Variants in SH3GL2 observed in about 807,000 individuals in gnomAD.
The protein encoded by SH3GL2 is endophilin-A1.
SH3GL2 carries 24 observed loss-of-function variants against 46.0 expected under a neutral mutation model. The observed-to-expected ratio is 0.52, with a 90% CI of 0.38 to 0.73. SH3GL2 has a LOEUF of 0.73. Ranked by LOEUF, SH3GL2 falls within the 30% of genes least tolerant of loss-of-function variation. SH3GL2 has a pLI of 0.00. For missense variants in SH3GL2, 413 were observed against 424.2 expected (o/e 0.97, Z 0.23); for synonymous variants, 196 against 147.1 (o/e 1.33, Z -2.40).
intron 1 of SH3GL2, among the ~76,000 whole-genome samples, chr9:17,618,448 C>A (rs1236649343): frequency 6.6e-6 from 1 of 152,142 alleles, no homozygotes; most frequent in Non-Finnish European, 1.5e-5. Flanking sequence ...ATGGTGCCAG[C>A]ATTTGATAAT....
intron 3 of SH3GL2, among the ~76,000 whole-genome samples, chr9:17,773,682 A>G (rs1020288842): frequency 3.9e-5 from 6 of 152,160 alleles, no homozygotes; most frequent in African/African-American, 1.4e-4. Flanking sequence ...TCTTTATGAC[A>G]GTACCACACT....
chr9:17,754,772 G>A (rs1013298811), intron 2 of SH3GL2, among the ~76,000 whole-genome samples: 1 of 152,156 alleles, frequency 6.6e-6, no homozygotes, highest in African/African-American at 2.4e-5. Context: ...TTGTTCCTGA[G>A]TTGGCTCTTG....
At chr9:17,598,122 G>T (rs1818607637) in intron 1 of SH3GL2, among the ~76,000 whole-genome samples, 1 of 152,170 alleles carries the variant, frequency 6.6e-6, no homozygotes, top group South Asian at 2.1e-4. Flanking sequence ...GAGAGGCCAT[G>T]TTCTTTTCAG....
intron 2 of SH3GL2, among the ~76,000 whole-genome samples, chr9:17,754,537 G>A (rs868759779): frequency 2.0e-5 from 3 of 152,214 alleles, no homozygotes; most frequent in Middle Eastern, 3.4e-3. Context: ...GCTGGGTATG[G>A]TGGCAGGCGC....
intron 1 of SH3GL2, among the ~76,000 whole-genome samples, chr9:17,686,790 G>A (rs1219637277): frequency 7.6e-6 from 1 of 131,896 alleles, no homozygotes; most frequent in Non-Finnish European, 1.6e-5. Flanking sequence ...GGACTGTTGT[G>A]GGGTGGGGGG....
At chr9:17,774,218 A>T (rs537954942) in intron 3 of SH3GL2, among the ~76,000 whole-genome samples, 1 of 152,174 alleles carries the variant, frequency 6.6e-6, no homozygotes, top group Non-Finnish European at 1.5e-5. Context: ...AGAGATTTCT[A>T]TATGTAAGAT....
chr9:17,688,469 C>A (rs1020081677), intron 1 of SH3GL2, among the ~76,000 whole-genome samples: 6 of 151,884 alleles, frequency 4.0e-5, no homozygotes, highest in African/African-American at 1.2e-4. Context: ...GAAAATAAGA[C>A]CCAGTGTGAA....
intron 1 of SH3GL2, among the ~76,000 whole-genome samples, chr9:17,733,519 G>T (rs1327865110): frequency 6.6e-6 from 1 of 150,976 alleles, no homozygotes; most frequent in Non-Finnish European, 1.5e-5. Context: ...TACACTGTTG[G>T]TGGGACTGTA....
chr9:17,664,731 A>G (rs1315565350), intron 1 of SH3GL2, among the ~76,000 whole-genome samples: 2 of 151,598 alleles, frequency 1.3e-5, no homozygotes, highest in Admixed American at 6.6e-5. Flanking sequence ...AGAAAATTCA[A>G]AAGTACATTT....
intron 1 of SH3GL2, among the ~76,000 whole-genome samples, chr9:17,739,233 A>G (rs948416007): frequency 1.3e-5 from 2 of 152,142 alleles, no homozygotes; most frequent in African/African-American, 4.8e-5. Flanking sequence ...CAACAGAGTC[A>G]TCAGGCATTA....
chr9:17,620,598 G>C (rs1420496555), intron 1 of SH3GL2, among the ~76,000 whole-genome samples: 1 of 152,186 alleles, frequency 6.6e-6, no homozygotes, highest in Non-Finnish European at 1.5e-5. Flanking sequence ...AGTACTCTGG[G>C]CATGAGAAAC....
chr9:17,652,886 T>C (rs1269934305), intron 1 of SH3GL2, among the ~76,000 whole-genome samples: 2 of 152,216 alleles, frequency 1.3e-5, no homozygotes, highest in African/African-American at 4.8e-5. Flanking sequence ...TATTTTCAGG[T>C]ACATATACCT....
intron 1 of SH3GL2, among the ~76,000 whole-genome samples, chr9:17,723,401 G>C (rs947389959): frequency 6.6e-6 from 1 of 152,060 alleles, no homozygotes; most frequent in African/African-American, 2.4e-5. Flanking sequence ...TTTATGAGCT[G>C]TTATTAATAA....
chr9:17,751,575 A>G (rs1822847439), intron 2 of SH3GL2, among the ~76,000 whole-genome samples: 2 of 151,716 alleles, frequency 1.3e-5, no homozygotes, highest in South Asian at 2.1e-4. Flanking sequence ...CCCACCGCCC[A>G]TGTTGGAACA....
In SH3GL2 at chr9:17,602,027, C is replaced by T. The variant is rs184964191; in HGVS notation, c.45+22740C>T. On this transcript the variant is annotated intron_variant, in intron 1 of 8. Coordinates refer to ENST00000380607, the MANE Select transcript of SH3GL2 (RefSeq NM_003026.5). ...TGCAGAAAGCCTTCTGGTTGAACTT[C>T]ATGAAACTTAACTCTTCCTTCCCGA... Among the ~76,000 whole-genome samples, 112 of 152,312 alleles carry T rather than the reference C, an allele frequency of 7.4e-4. No individual in the cohort carries two copies. In the Middle Eastern group the frequency reaches 0.01, roughly 14 times the overall value.
intron 3 of SH3GL2, among the ~76,000 whole-genome samples, chr9:17,768,463 G>C (rs1823382311): frequency 6.6e-6 from 1 of 150,842 alleles, no homozygotes; most frequent in South Asian, 2.1e-4. Context: ...TGAGAATTAA[G>C]TTAATGGCAC....
chr9:17,646,592 A>G (rs1044622686), intron 1 of SH3GL2, among the ~76,000 whole-genome samples: 1 of 151,954 alleles, frequency 6.6e-6, no homozygotes, highest in African/African-American at 2.4e-5. Flanking sequence ...TGTTGATACT[A>G]TTGCTTTCTG....
At position 17,770,879 on chromosome 9, in the gene SH3GL2, G is replaced by A. The variant is rs147733048; in HGVS notation, c.187+9370G>A. ...CGGACTCAGGAAGACAGCAACCCAC[G>A]TGAGCCTGGATGCAGACTTCTCCCC... On this transcript the variant is annotated intron_variant, in intron 3 of 8. Coordinates refer to ENST00000380607, the MANE Select transcript of SH3GL2 (RefSeq NM_003026.5). 1.6e-4 allele frequency among the ~76,000 whole-genome samples: 25 copies of A among 152,288 alleles called. No individual in the cohort carries two copies. The East Asian group carries it at 4.2e-3, about 26-fold the overall frequency.
At chr9:17,792,537 A>G (rs573548701) in intron 7 of SH3GL2, among the ~76,000 whole-genome samples, 3 of 152,274 alleles carry the variant, frequency 2.0e-5, no homozygotes, top group African/African-American at 7.2e-5. Context: ...TATTAGCCAT[A>G]CCTTTCCAAT....
Sources: allele counts gnomAD v4.1 joint callset (sites outside exome capture counted in the v4.1 genomes callset), GRCh38; gene constraint gnomAD v4.1.1; transcripts MANE v1.5; gene names NCBI Gene and HGNC (gene_info 2026-07-23, HGNC 2026-07-21).